The following CTNNA2 variants were observed in gnomAD, a reference collection of about 807,000 sequenced individuals.
The protein encoded by CTNNA2 is catenin alpha 2.
A neutral mutation model predicts 101.0 loss-of-function variants in CTNNA2; 42 were observed. That is an observed-to-expected ratio of 0.42 (90% confidence interval 0.32 to 0.54). CTNNA2 has a LOEUF of 0.54. CTNNA2 is among the 20% of genes least tolerant of loss of function. The pLI is 0.14. For synonymous variants in CTNNA2, 450 were observed against 456.4 expected, an observed-to-expected ratio of 0.99 and a Z score of 0.18; for missense variants, 871 against 1,223.1, an observed-to-expected ratio of 0.71 and a Z score of 4.29.
At chr2:79,210,326 T>C (rs149554648) in intron 2 of CTNNA2, among the ~76,000 whole-genome samples, 27 of 152,286 alleles carry the variant, frequency 1.8e-4, no homozygotes, top group Admixed American at 8.5e-4. Flanking sequence ...ACAGTTTATA[T>C]GATTAAAATA....
intron 4 of CTNNA2, among the ~76,000 whole-genome samples, chr2:79,490,855 A>T (rs922061011): frequency 2.6e-5 from 4 of 152,222 alleles, no homozygotes; most frequent in African/African-American, 7.2e-5. Context: ...ATCTTGTAAG[A>T]GCAGAAGTTT....
At chr2:79,617,717 G>T (rs1245076480) in intron 1 of CTNNA2, among the ~76,000 whole-genome samples, 1 of 152,102 alleles carries the variant, frequency 6.6e-6, no homozygotes, top group African/African-American at 2.4e-5. Context: ...ACCAATAGTG[G>T]TAAAATCATG....
chr2:79,559,063 TA>T (rs1674614530), intron 1 of CTNNA2, among the ~76,000 whole-genome samples: 2 of 151,908 alleles, frequency 1.3e-5, no homozygotes, highest in South Asian at 2.1e-4. Context: ...TGTAGGTGCT[TA>T]AAAAATTTTG....
At chr2:79,270,300 A>G (rs958490093) in intron 2 of CTNNA2, among the ~76,000 whole-genome samples, 5 of 152,104 alleles carry the variant, frequency 3.3e-5, no homozygotes, top group East Asian at 1.9e-4. Context: ...ACCATGCACT[A>G]TACTCTGGCT....
chr2:79,462,016 T>C (rs949024885), intron 4 of CTNNA2, among the ~76,000 whole-genome samples: 1 of 152,216 alleles, frequency 6.6e-6, no homozygotes, highest in Non-Finnish European at 1.5e-5. Flanking sequence ...AGTGTGTGAA[T>C]TGTATGTTAA....
chr2:80,000,157 G>A (rs1049974621), intron 7 of CTNNA2, among the ~76,000 whole-genome samples: 1 of 152,186 alleles, frequency 6.6e-6, no homozygotes, highest in Admixed American at 6.5e-5. Flanking sequence ...CTGGTTTTAA[G>A]TTTAAAGAAT....
intron 2 of CTNNA2, among the ~76,000 whole-genome samples, chr2:79,206,755 G>T (rs1196145824): frequency 1.3e-5 from 2 of 152,116 alleles, no homozygotes; most frequent in African/African-American, 4.8e-5. Flanking sequence ...AGGAAGATAT[G>T]GTACCAGTCT....
In CTNNA2 at chr2:80,081,384, G is replaced by A. The variant is rs148530129; in HGVS notation, c.1056+171587G>A. Among the ~76,000 whole-genome samples the A allele has an allele frequency of 7.5e-4, 114 of 151,848 alleles. No homozygotes were observed. The East Asian group carries it at 0.022, about 29-fold the overall frequency. ...ATGGGGGATTTTAAAACATGGGGGG[G>A]CTGTTTTCGTTATCTGATGGTATGT... On this transcript the variant is annotated intron_variant, in intron 7 of 18. Transcript: ENST00000402739.
At chr2:80,621,848 G>A (rs1186040108) in intron 18 of CTNNA2, among the ~76,000 whole-genome samples, 1 of 151,896 alleles carries the variant, frequency 6.6e-6, no homozygotes, top group Non-Finnish European at 1.5e-5. Context: ...CGACTTGGAA[G>A]TGAATACAGT....
At chr2:79,572,743 CTT>C (rs1675538059) in intron 1 of CTNNA2, among the ~76,000 whole-genome samples, 1 of 152,078 alleles carries the variant, frequency 6.6e-6, no homozygotes, top group Admixed American at 6.6e-5. Flanking sequence ...CACACTAAGA[CTT>C]TGTTTAAAAA....
intron 15 of CTNNA2, chr2:80,603,873 C>G (rs1697769050): frequency 3.7e-6 from 2 of 535,072 alleles, no homozygotes; most frequent in Non-Finnish European, 6.7e-6. Flanking sequence ...TGTGAACATG[C>G]ACATAAAAAT....
intron 7 of CTNNA2, among the ~76,000 whole-genome samples, chr2:79,956,338 A>G (rs1053421859): frequency 2.0e-5 from 3 of 152,114 alleles, no homozygotes; most frequent in African/African-American, 4.8e-5. Flanking sequence ...ATACTTATGA[A>G]TTTTGCGATT....
intron 7 of CTNNA2, among the ~76,000 whole-genome samples, chr2:80,073,354 AG>A (rs1300392763): frequency 2.0e-5 from 3 of 152,186 alleles, no homozygotes; most frequent in Non-Finnish European, 4.4e-5. Context: ...CAGTTCAGAA[AG>A]GAAAAAGGGC....
chr2:79,287,127 C>G (rs1675620484), intron 2 of CTNNA2, among the ~76,000 whole-genome samples: 1 of 152,180 alleles, frequency 6.6e-6, no homozygotes, highest in Admixed American at 6.5e-5. Context: ...AAGCACTTCT[C>G]TGTATTGGTT....
chr2:80,328,367 T>C (rs1283603030), intron 7 of CTNNA2: 2 of 471,000 alleles, frequency 4.2e-6, no homozygotes, highest in South Asian at 3.1e-5. Context: ...GGCATGTTTG[T>C]GTGTGGCAGG....
chr2:79,270,292 C>T (rs1675050479), intron 2 of CTNNA2, among the ~76,000 whole-genome samples: 1 of 152,080 alleles, frequency 6.6e-6, no homozygotes, highest in South Asian at 2.1e-4. Flanking sequence ...TCTTAGGAAC[C>T]ATGCACTATA....
At chr2:79,860,246 A>ACAAAATTAACCTAACAAAATTAACCT (rs1342672622) in intron 4 of CTNNA2, among the ~76,000 whole-genome samples, 3 of 152,222 alleles carry the variant, frequency 2.0e-5, no homozygotes, top group Non-Finnish European at 2.9e-5. Context: ...AATACGACTG[A>ACAAAATTAACCTAACAAAATTAACCT]ACCTAACAAA....
chr2:79,687,565 G>C (rs1005725484), intron 2 of CTNNA2: 1 of 703,738 alleles, frequency 1.4e-6, no homozygotes, highest in Non-Finnish European at 2.6e-6. Context: ...GCCTTGCAGT[G>C]CATTTTTTTT....
intron 4 of CTNNA2, among the ~76,000 whole-genome samples, chr2:79,390,131 G>A (rs1243577457): frequency 1.3e-5 from 2 of 152,084 alleles, no homozygotes; most frequent in Admixed American, 6.6e-5. Flanking sequence ...AAAGCCTGGT[G>A]GGGGCCTGAA....
Sources: allele counts gnomAD v4.1 joint callset (sites outside exome capture counted in the v4.1 genomes callset), GRCh38; gene constraint gnomAD v4.1.1; transcripts MANE v1.5; gene names NCBI Gene and HGNC (gene_info 2026-07-23, HGNC 2026-07-21).